The following FMN1 variants were observed in gnomAD, a reference collection of about 807,000 sequenced individuals.
The protein encoded by FMN1 is formin 1, also known as formin-1.
In FMN1, 110 loss-of-function variants were observed where a neutral mutation model predicts 132.4. The ratio of observed to expected loss-of-function variants is 0.83; its 90% CI spans 0.71 to 0.97. The LOEUF (loss-of-function observed/expected upper bound fraction) is 0.97. Among genes scored for constraint, FMN1 ranks in the 50% least tolerant of loss-of-function variants. FMN1 has a pLI of 0.00. For missense variants in FMN1, 1,792 were observed against 1,705.3 expected (o/e 1.05, Z -0.90); for synonymous variants, 722 against 651.7 (o/e 1.11, Z -1.64).
chr15:32,885,996 T>C lies in FMN1; in HGVS notation c.3835+2176A>G, dbSNP rs756286702. ...TGCTGTATGTGTGAAAATTATGTCC[T>C]CTTCAATTAAACATTCAATCTCAGC... On this transcript the variant is annotated intron_variant, in intron 16 of 20. Transcript: ENST00000616417. Among the ~76,000 whole-genome samples, 34 of 152,252 alleles carry C rather than the reference T, an allele frequency of 2.2e-4. 1 individual carries two copies. The highest frequency in any genetic ancestry group is 2.0e-3 in the Admixed American group (31 of 15,288).
chr15:33,085,125 G>C (rs967578147), intron 5 of FMN1, among the ~76,000 whole-genome samples: 1 of 151,996 alleles, frequency 6.6e-6, no homozygotes, highest in African/African-American at 2.4e-5. Context: ...TTTGATTTCT[G>C]TAAGCTATTG....
intron 4 of FMN1, among the ~76,000 whole-genome samples, chr15:33,138,481 G>A (rs1003536520): frequency 5.3e-5 from 8 of 151,852 alleles, no homozygotes; most frequent in Non-Finnish European, 5.9e-5. Context: ...GTCCCTCAAC[G>A]TTCCCAGCGA....
intron 7 of FMN1, among the ~76,000 whole-genome samples, chr15:32,994,522 C>T (rs1046935317): frequency 6.6e-6 from 1 of 152,120 alleles, no homozygotes; most frequent in African/African-American, 2.4e-5. Context: ...CAGAGCAGCT[C>T]CACAGCACTC....
rs528146501 is a variant in FMN1, at chr15:33,159,995, G to C, written c.-131-4950C>G. 7.0e-4 allele frequency among the ~76,000 whole-genome samples: 107 copies of C among 152,336 alleles called. 1 individual carries two copies. In the South Asian group the frequency reaches 0.014, roughly 20 times the overall value. Reference sequence around the variant, plus strand: ...GTTGCAGGAAGTTTGCAGCCAAAGAGTTGGAGGGTTAGTAGTCCTAGATTT... The same window carrying C: ...GTTGCAGGAAGTTTGCAGCCAAAGACTTGGAGGGTTAGTAGTCCTAGATTT... On this transcript the variant is annotated intron_variant, in intron 3 of 20. Coordinates refer to ENST00000616417, the MANE Select transcript of FMN1 (RefSeq NM_001277313.2).
chr15:32,855,772 A>AG, intron 17 of FMN1, among the ~76,000 whole-genome samples: 1 of 152,368 alleles, frequency 6.6e-6, no homozygotes, highest in East Asian at 1.9e-4. Context: ...GGGTCAGCAA[A>AG]GGGAAGTAGT....
At chr15:32,857,396 A>G (rs1252045353) in intron 16 of FMN1, among the ~76,000 whole-genome samples, 1 of 152,198 alleles carries the variant, frequency 6.6e-6, no homozygotes, top group African/African-American at 2.4e-5. Flanking sequence ...GGATAGGTAA[A>G]GTATTCTGCT....
chr15:32,848,654 A>G (rs1047666467), intron 17 of FMN1, among the ~76,000 whole-genome samples: 7 of 152,182 alleles, frequency 4.6e-5, no homozygotes, highest in African/African-American at 1.7e-4. Context: ...AATGATGGAG[A>G]AGCAATGAAT....
chr15:33,191,702 C>T (rs576953618), intron 2 of FMN1, among the ~76,000 whole-genome samples: 4 of 152,286 alleles, frequency 2.6e-5, no homozygotes, highest in East Asian at 1.9e-4. Context: ...TACATCTCCC[C>T]GCTTTAGTAA....
chr15:32,822,151 C>G (rs560575434), intron 17 of FMN1, among the ~76,000 whole-genome samples: 2 of 152,198 alleles, frequency 1.3e-5, no homozygotes, highest in South Asian at 4.2e-4. Flanking sequence ...GAGTTCGAGA[C>G]CAGCCTGGCC....
At chr15:32,929,433 AT>A (rs1385432873) in intron 9 of FMN1, among the ~76,000 whole-genome samples, 2 of 152,046 alleles carry the variant, frequency 1.3e-5, no homozygotes, top group Non-Finnish European at 2.9e-5. Context: ...CTTTATTTTT[AT>A]GAAAAGTGCA....
At chr15:32,916,408 T>C (rs35705260) in intron 10 of FMN1, among the ~76,000 whole-genome samples, 2,564 of 152,268 alleles carry the variant, frequency 0.017, 36 homozygotes, top group Non-Finnish European at 0.022. Flanking sequence ...GCAGAGTTAT[T>C]TAAGGGAGTT....
At chr15:33,096,483 T>C (rs2619172) in intron 4 of FMN1, among the ~76,000 whole-genome samples, 83,957 of 151,992 alleles carry the variant, frequency 0.55, 23,563 homozygotes, top group African/African-American at 0.58. Flanking sequence ...ACCTTTTGCC[T>C]GAGTGTCTTA....
intron 3 of FMN1, among the ~76,000 whole-genome samples, chr15:33,177,049 C>T (rs1965538327): frequency 6.6e-6 from 1 of 152,190 alleles, no homozygotes; most frequent in Admixed American, 6.5e-5. Context: ...AGGGCTTTAC[C>T]TGTTTTAACA....
At chr15:33,117,634 CAA>C (rs1337981427) in intron 4 of FMN1, among the ~76,000 whole-genome samples, 3 of 152,106 alleles carry the variant, frequency 2.0e-5, no homozygotes, top group African/African-American at 7.3e-5. Context: ...AGATATTTAA[CAA>C]ATGTTTTGCA....
At chr15:32,993,643 T>C (rs568962863) in intron 7 of FMN1, among the ~76,000 whole-genome samples, 2 of 152,322 alleles carry the variant, frequency 1.3e-5, no homozygotes, top group East Asian at 1.9e-4. Flanking sequence ...ATTTATTGTA[T>C]ATTTACCATG....
At position 32,994,232 on chromosome 15, in the gene FMN1, T is replaced by TCACACACA. The variant is rs1555375420; in HGVS notation, c.2223+13774_2223+13781dup. On this transcript the variant is annotated intron_variant, in intron 7 of 20. Coordinates refer to ENST00000616417, the MANE Select transcript of FMN1 (RefSeq NM_001277313.2). ...TCATTCCTCTCTCTCTCTCTCTCTC[T>TCACACACA]CACACACACACACACACAGACACAC... 8.1e-3 allele frequency among the ~76,000 whole-genome samples: 302 copies of TCACACACA among 37,260 alleles called. 1 individual carries two copies. The highest frequency in any genetic ancestry group is 0.016 in the African/African-American group (292 of 17,966). 24.4% of individuals were successfully genotyped at this position (37,260 alleles called of 152,430 possible).
chr15:32,858,999 T>C (rs1233710302), intron 16 of FMN1, among the ~76,000 whole-genome samples: 3 of 152,178 alleles, frequency 2.0e-5, no homozygotes, highest in Non-Finnish European at 4.4e-5. Context: ...GGGATATATT[T>C]TGCAGGTGTA....
intron 6 of FMN1, among the ~76,000 whole-genome samples, chr15:33,010,689 C>A (rs895809628): frequency 2.6e-5 from 4 of 151,852 alleles, no homozygotes; most frequent in Admixed American, 2.6e-4. Context: ...TCTAAAAGAT[C>A]CAACTGATAA....
At chr15:33,104,644 C>A (rs1057256438) in intron 4 of FMN1, among the ~76,000 whole-genome samples, 1 of 151,936 alleles carries the variant, frequency 6.6e-6, no homozygotes, top group Non-Finnish European at 1.5e-5. Context: ...GCTAGTAATA[C>A]GTATGTATTC....
Sources: allele counts gnomAD v4.1 joint callset (sites outside exome capture counted in the v4.1 genomes callset), GRCh38; gene constraint gnomAD v4.1.1; transcripts MANE v1.5; gene names NCBI Gene and HGNC (gene_info 2026-07-23, HGNC 2026-07-21).